ITGB7: variants seen among roughly 807,000 people sequenced by gnomAD.
ITGB7 encodes the protein integrin beta-7.
In ITGB7, 55 loss-of-function variants were observed where a neutral mutation model predicts 83.4. The ratio of observed to expected loss-of-function variants is 0.66; its 90% CI spans 0.53 to 0.83. The LOEUF is 0.83. Among genes scored for constraint, ITGB7 ranks in the 40% least tolerant of loss-of-function variants. The pLI, the probability that ITGB7 is intolerant of heterozygous loss-of-function variation, is 0.00. For synonymous variants in ITGB7, 454 were observed against 423.6 expected (o/e 1.07, Z -0.88); for missense variants, 921 against 1,046.7 (o/e 0.88, Z 1.66).
At chr12:53,201,430 G>A (rs1408405457) in intron 1 of ITGB7, 1 of 152,074 alleles carries the variant, frequency 6.6e-6, no homozygotes, top group African/African-American at 2.4e-5. Context: ...AGGGGAGAAA[G>A]GCCAGTGTTG....
chr12:53,194,626 C>T (rs1454346405), intron 9 of ITGB7: 2 of 356,160 alleles, frequency 5.6e-6, no homozygotes, highest in Non-Finnish European at 1.1e-5. Flanking sequence ...TGTACAGAGA[C>T]CATGTTTGTG....
rs761547822 is a variant in ITGB7, at chr12:53,200,335, G to C, written c.109C>G (p.Pro37Ala). 1 of 1,614,072 alleles carries C rather than the reference G, an allele frequency of 6.2e-7. No individual in the cohort carries two copies. Among genetic ancestry groups the C allele is most frequent in the African/African-American group, 1.3e-5 (1 of 74,936 alleles). The change falls in exon 3 of 16, where the codon CCT becomes GCT. Residue 37 changes from proline to alanine, a missense_variant. Pro to Ala is a conservative substitution (Grantham distance 27). Coordinates refer to ENST00000267082, the MANE Select transcript of ITGB7 (RefSeq NM_000889.3). ...CAGGACCCCAGCATGGACAGGTGAG[G>C]ATTCCGCCATTCTGTGGCATCCCCT... ...STGDATEWRNPHLSMLGSCQP... is the reference protein window; with the variant it reads ...STGDATEWRNAHLSMLGSCQP...
At chr12:53,197,370 G>T in intron 5 of ITGB7, 123 bp downstream of exon 5, 1 of 1,093,750 alleles carries the variant, frequency 9.1e-7, no homozygotes, top group Non-Finnish European at 1.4e-6. Flanking sequence ...CTGTGGCCTG[G>T]CTAGGCCTGT....
At chr12:53,200,134 A>G in intron 3 of ITGB7, 109 bp downstream of exon 3, 1 of 972,622 alleles carries the variant, frequency 1.0e-6, no homozygotes. Flanking sequence ...GTGTTCCCAG[A>G]AAATCATACA....
At chr12:53,197,321 C>T (rs1400066228) in intron 5 of ITGB7, 172 bp downstream of exon 5, 2 of 734,346 alleles carry the variant, frequency 2.7e-6, no homozygotes, top group Admixed American at 2.0e-5. Flanking sequence ...CAGCTCTGAC[C>T]TAGAAGATGG....
intron 2 of ITGB7, among the ~76,000 whole-genome samples, chr12:53,200,651 G>A (rs778823565): frequency 2.0e-5 from 3 of 152,092 alleles, no homozygotes; most frequent in South Asian, 4.1e-4. Context: ...AGGGGCCTCC[G>A]GACGTGGTGG....
At chr12:53,201,671 A>C (rs1328931061) in intron 1 of ITGB7, among the ~76,000 whole-genome samples, 3 of 152,098 alleles carry the variant, frequency 2.0e-5, no homozygotes, top group African/African-American at 4.8e-5. Flanking sequence ...GGAAAAGCTG[A>C]TCCTAAAATT....
rs557121236 is a variant in ITGB7 at position 53,201,567 on chromosome 12, C to T, written c.-126-373G>A. On this transcript the variant is annotated intron_variant, in intron 1 of 15. Transcript: ENST00000267082. Reference sequence around the variant, plus strand: ...AAGCAAATTCCTGATTTTAAAAAAACATATTAATTTTTTAAAATGAGCAGG... The same window carrying T: ...AAGCAAATTCCTGATTTTAAAAAAATATATTAATTTTTTAAAATGAGCAGG... 1.8e-4 allele frequency among the ~76,000 whole-genome samples: 27 copies of T among 152,090 alleles called. 1 individual carries two copies. In the South Asian group the frequency reaches 5.6e-3, roughly 32 times the overall value.
rs6580933 is a variant in ITGB7 at position 53,191,970 on chromosome 12, G to T, written c.2205C>A (p.Ile735=). 1 of 1,611,824 alleles carries T rather than the reference G, an allele frequency of 6.2e-7. No homozygotes were observed. The highest frequency in any genetic ancestry group is 2.2e-5 in the East Asian group (1 of 44,834). Reference sequence around the variant, plus strand: ...GGACCAGCCCCAGCCCCACTGCCACGATGCCCCCTACGCAGCCCAGCACAA... The same window carrying T: ...GGACCAGCCCCAGCCCCACTGCCACTATGCCCCCTACGCAGCCCAGCACAA... ...QAIVLGCVGG[I]VAVGLGLVLA... is the part of the protein sequence containing the mutation. The change falls in exon 15 of 16, where the codon ATC becomes ATA. Residue 735 remains isoleucine, a synonymous_variant. Transcript: ENST00000267082.
At position 53,193,296 on chromosome 12, in the gene ITGB7, C is replaced by G. The variant is rs1194869526; in HGVS notation, c.1570G>C (p.Glu524Gln). 3 of 1,612,786 alleles carry G rather than the reference C, an allele frequency of 1.9e-6. No homozygotes were observed. The Admixed American group carries it at 5.0e-5, about 27-fold the overall frequency. The part of the protein sequence containing the change: ...SVAELSSPDL[E>Q]SGCRAPNGTG... ...CCATTGGGAGCCCGGCACCCAGATTCCAGGTCTGGGGAGGACAGCTCTGCC... is the reference window on the plus strand; with the variant it reads ...CCATTGGGAGCCCGGCACCCAGATTGCAGGTCTGGGGAGGACAGCTCTGCC... The change falls in exon 12 of 16, where the codon GAA becomes CAA. Residue 524 changes from glutamate (E) to glutamine (Q), a missense_variant. Glu to Gln is a conservative substitution (Grantham distance 29). Transcript: ENST00000267082.
chr12:53,198,662 A>G (rs1055668640), intron 3 of ITGB7, among the ~76,000 whole-genome samples: 1 of 149,340 alleles, frequency 6.7e-6, no homozygotes, highest in Non-Finnish European at 1.5e-5. Flanking sequence ...CTCCTCCCCA[A>G]TAGAGTCACA....
At chr12:53,200,469 A>G in intron 2 of ITGB7, 23 bp from the exon 3 acceptor site, 1 of 1,604,496 alleles carries the variant, frequency 6.2e-7, no homozygotes, top group Non-Finnish European at 8.5e-7. Flanking sequence ...ATAAAGGGGG[A>G]CATGTGGGTC....
Position 53,195,404 on chromosome 12 carries a change from G to A in ITGB7, c.1131C>T (p.Asn377=), listed in dbSNP as rs145466465. The A allele has an allele frequency of 8.0e-5, 129 of 1,613,328 alleles. No homozygotes were observed. The highest frequency in any genetic ancestry group is 1.7e-4 in the Middle Eastern group (1 of 6,018). Residue 377 remains asparagine, a synonymous_variant, in exon 9 of 16, where the codon AAC becomes AAT. Coordinates refer to ENST00000267082, the MANE Select transcript of ITGB7 (RefSeq NM_000889.3). ...AVGELSEDSS[N]VVQLIMDAYN... ...AAGCATCCATGATGAGCTGTACCACGTTGCTGGAGTCCTCACTCAGCTCCC... is the reference window on the plus strand; with the variant it reads ...AAGCATCCATGATGAGCTGTACCACATTGCTGGAGTCCTCACTCAGCTCCC...
At chr12:53,206,221 T>C (rs1473572279) in intron 1 of ITGB7, among the ~76,000 whole-genome samples, 6 of 152,206 alleles carry the variant, frequency 3.9e-5, no homozygotes, top group Non-Finnish European at 7.3e-5. Context: ...TCAAAACTTC[T>C]ATTGCATCTC....
rs1314340191 is a variant in ITGB7 at position 53,194,440 on chromosome 12, C to T, written c.1162-96G>A. 6 of 1,294,554 alleles carry T rather than the reference C, an allele frequency of 4.6e-6. No homozygotes were observed. In the African/African-American group the frequency reaches 7.3e-5, roughly 16 times the overall value. The allele number at this position is 1,294,554 out of a possible 1,614,324, so 80.2% of individuals were successfully genotyped here. A position where few individuals can be genotyped will look rare whatever the true frequency, so the allele number is the denominator to read the frequency against. On this transcript the variant is annotated intron_variant, in intron 9 of 15. Transcript: ENST00000267082. ...CCAGGTGTTCCCAATTCTGCCAGCA[C>T]CCTGCCCTCTGCCACCTGGGGCTCC...
intron 1 of ITGB7, among the ~76,000 whole-genome samples, chr12:53,203,647 C>CAAAAAAA (rs1158624130): frequency 3.3e-4 from 17 of 50,978 alleles, no homozygotes; most frequent in East Asian, 1.5e-3. Context: ...GACCCTGTCT[C>CAAAAAAA]AAAAAAAAAA....
chr12:53,199,363 C>A (rs915537666), intron 3 of ITGB7, among the ~76,000 whole-genome samples: 1 of 152,138 alleles, frequency 6.6e-6, no homozygotes, highest in African/African-American at 2.4e-5. Flanking sequence ...CCTTTCCAGT[C>A]CCCCTCAAGC....
intron 3 of ITGB7, 81 bp from the exon 4 acceptor site, chr12:53,198,032 GGCCACCTCTAAT>G: frequency 8.5e-7 from 1 of 1,181,454 alleles, no homozygotes; most frequent in Non-Finnish European, 1.2e-6. Context: ...CTGCAAACCC[GGCCACCTCTAAT>G]GCCCCCACCT....
intron 1 of ITGB7, among the ~76,000 whole-genome samples, chr12:53,202,927 A>G (rs1942352561): frequency 6.6e-6 from 1 of 152,222 alleles, no homozygotes; most frequent in Non-Finnish European, 1.5e-5. Context: ...TACAAAGGTT[A>G]ACTGAAAAGA....
Sources: gnomAD v4.1 joint callset for allele counts (sites outside exome capture counted in the v4.1 genomes callset) on GRCh38, gnomAD v4.1.1 for gene constraint, MANE v1.5 for transcripts, NCBI Gene and HGNC (gene_info 2026-07-23, HGNC 2026-07-21) for gene names.